The following TPRG1 variants were observed in gnomAD, a reference collection of about 807,000 sequenced individuals.
TPRG1 encodes tumor protein p63-regulated gene 1 protein.
A neutral mutation model predicts 29.3 loss-of-function variants in TPRG1; 29 were observed. That is an observed-to-expected ratio of 0.99 (90% CI 0.74 to 1.35). The LOEUF (loss-of-function observed/expected upper bound fraction) is 1.35. Ranked by LOEUF, TPRG1 falls within the 40% of genes most tolerant of loss-of-function variation. TPRG1 has a pLI of 0.00. For missense variants in TPRG1, 327 were observed against 335.0 expected, an observed-to-expected ratio of 0.98 and a Z score of 0.19; for synonymous variants, 130 against 116.8, an observed-to-expected ratio of 1.11 and a Z score of -0.73.
At chr3:189,159,506 CT>C (rs1417270349) in intron 5 of TPRG1, among the ~76,000 whole-genome samples, 1 of 152,140 alleles carries the variant, frequency 6.6e-6, no homozygotes, top group Non-Finnish European at 1.5e-5. Flanking sequence ...GTCCTATCCC[CT>C]GTCCTTATGA....
chr3:189,252,779 C>T (rs1742496097), intron 4 of TPRG1, among the ~76,000 whole-genome samples: 1 of 152,214 alleles, frequency 6.6e-6, no homozygotes. Context: ...TTTGACAGTG[C>T]TTTCTAATTT....
intron 1 of TPRG1, among the ~76,000 whole-genome samples, chr3:189,102,966 C>T (rs532940630): frequency 7.9e-5 from 12 of 152,148 alleles, no homozygotes; most frequent in Non-Finnish European, 1.6e-4. Flanking sequence ...AAACTTGTCT[C>T]AGCTCAGGTG....
intron 4 of TPRG1, among the ~76,000 whole-genome samples, chr3:189,268,523 TG>T (rs1560627556): frequency 1.3e-5 from 2 of 152,212 alleles, no homozygotes; most frequent in African/African-American, 2.4e-5. Flanking sequence ...TAAGAATTCC[TG>T]CAGAGGGCAG....
At chr3:189,253,615 C>A (rs1325416292) in intron 4 of TPRG1, among the ~76,000 whole-genome samples, 1 of 152,250 alleles carries the variant, frequency 6.6e-6, no homozygotes, top group South Asian at 2.1e-4. Flanking sequence ...GGTGTATACC[C>A]AGTAGTGGGA....
chr3:189,318,029 T>C (rs1723827769), intron 5 of TPRG1, among the ~76,000 whole-genome samples: 1 of 152,148 alleles, frequency 6.6e-6, no homozygotes, highest in Non-Finnish European at 1.5e-5. Flanking sequence ...GGAAAAAATA[T>C]GCAAGGATGA....
At chr3:189,164,606 TA>T (rs10576237) in intron 5 of TPRG1, among the ~76,000 whole-genome samples, 41,402 of 147,816 alleles carry the variant, frequency 0.28, 8,280 homozygotes, top group African/African-American at 0.56. Context: ...TGAAATAAGC[TA>T]AAAAAAAAAA....
At chr3:189,229,700 T>C (rs1738330642) in intron 3 of TPRG1, among the ~76,000 whole-genome samples, 1 of 152,194 alleles carries the variant, frequency 6.6e-6, no homozygotes, top group African/African-American at 2.4e-5. Flanking sequence ...CAGAGACCAC[T>C]CTTGAGAGAG....
chr3:189,314,336 T>C (rs1349498797), intron 5 of TPRG1, among the ~76,000 whole-genome samples: 1 of 152,164 alleles, frequency 6.6e-6, no homozygotes, highest in African/African-American at 2.4e-5. Flanking sequence ...AGCTGAGTAG[T>C]CATGGGGCTG....
chr3:189,243,429 G>A (rs1740926027), intron 4 of TPRG1, among the ~76,000 whole-genome samples: 1 of 152,212 alleles, frequency 6.6e-6, no homozygotes, highest in Admixed American at 6.5e-5. Flanking sequence ...GACCCCCCAA[G>A]GAGGTCTCTA....
At chr3:189,041,304 A>T (rs532249654) in intron 4 of TPRG1, among the ~76,000 whole-genome samples, 5 of 152,310 alleles carry the variant, frequency 3.3e-5, no homozygotes, top group South Asian at 2.1e-4. Flanking sequence ...GTCCCAAATG[A>T]TAAACTAAAA....
At chr3:189,025,371 G>A (rs1449366187) in intron 4 of TPRG1, among the ~76,000 whole-genome samples, 1 of 152,154 alleles carries the variant, frequency 6.6e-6, no homozygotes, top group African/African-American at 2.4e-5. Flanking sequence ...CCACTGCCCT[G>A]CCCTGCTTTT....
intron 5 of TPRG1, among the ~76,000 whole-genome samples, chr3:189,314,513 C>T (rs917227380): frequency 6.6e-6 from 1 of 152,190 alleles, no homozygotes. Flanking sequence ...CTCTATACCA[C>T]TTCCACATCT....
At chr3:189,203,790 C>G (rs1733861190) in intron 1 of TPRG1, among the ~76,000 whole-genome samples, 1 of 152,026 alleles carries the variant, frequency 6.6e-6, no homozygotes, top group Non-Finnish European at 1.5e-5. Context: ...GCCTATAATC[C>G]CAGGACTTTG....
chr3:189,177,728 G>C (rs1259689525), intron 1 of TPRG1, among the ~76,000 whole-genome samples: 1 of 152,028 alleles, frequency 6.6e-6, no homozygotes, highest in Non-Finnish European at 1.5e-5. Context: ...CCAGCAGAGA[G>C]GGGTATTGTA....
intron 4 of TPRG1, among the ~76,000 whole-genome samples, chr3:189,269,875 G>A (rs533309067): frequency 1.8e-4 from 27 of 151,016 alleles, no homozygotes; most frequent in Admixed American, 1.7e-3. Context: ...GCATTTTTTG[G>A]TTTTGTTCTT....
At chr3:189,284,883 G>C (rs1186940312) in intron 4 of TPRG1, among the ~76,000 whole-genome samples, 1 of 152,130 alleles carries the variant, frequency 6.6e-6, no homozygotes, top group African/African-American at 2.4e-5. Context: ...GCATGGACAA[G>C]GACTTCATGT....
At chr3:189,278,917 C>T (rs766371287) in intron 4 of TPRG1, among the ~76,000 whole-genome samples, 7 of 152,324 alleles carry the variant, frequency 4.6e-5, no homozygotes, top group Non-Finnish European at 5.9e-5. Context: ...TACTTATGCT[C>T]ATATTCCTAA....
intron 4 of TPRG1, among the ~76,000 whole-genome samples, chr3:189,299,383 T>C (rs1027287155): frequency 2.0e-5 from 3 of 152,174 alleles, no homozygotes; most frequent in Admixed American, 6.5e-5. Flanking sequence ...AAGCAAGCCG[T>C]ATACTATATG....
chr3:189,062,212 C>T (rs946794066), intron 4 of TPRG1, among the ~76,000 whole-genome samples: 16 of 152,138 alleles, frequency 1.1e-4, no homozygotes, highest in Middle Eastern at 3.4e-3. Context: ...CACGTGTTCT[C>T]GCTTGTAAGT....
Sources: gnomAD v4.1 joint callset for allele counts (sites outside exome capture counted in the v4.1 genomes callset) on GRCh38, gnomAD v4.1.1 for gene constraint, MANE v1.5 for transcripts, NCBI Gene and HGNC (gene_info 2026-07-23, HGNC 2026-07-21) for gene names.